The following MAST2 variants were observed in gnomAD, a reference collection of about 807,000 sequenced individuals.
MAST2 encodes microtubule-associated serine/threonine-protein kinase 2.
A neutral mutation model predicts 147.4 loss-of-function variants in MAST2; 70 were observed. That is an observed-to-expected ratio of 0.47 (90% confidence interval 0.39 to 0.58). The LOEUF is 0.58. Among genes scored for constraint, MAST2 ranks in the 20% least tolerant of loss-of-function variants. The probability of loss-of-function intolerance (pLI) is 0.00; values close to 1 mark genes in which losing one functional copy is unlikely to be tolerated. For synonymous variants in MAST2, 869 were observed against 896.8 expected (o/e 0.97, Z 0.55); for missense variants, 2,080 against 2,302.3 (o/e 0.90, Z 1.98).
At chr1:45,876,758 G>T (rs1156405935) in intron 3 of MAST2, among the ~76,000 whole-genome samples, 1 of 152,202 alleles carries the variant, frequency 6.6e-6, no homozygotes, top group Non-Finnish European at 1.5e-5. Flanking sequence ...CTGATCTGGA[G>T]TCCTGGGCAT....
At chr1:45,984,481 A>T (rs966280890) in intron 5 of MAST2, among the ~76,000 whole-genome samples, 2 of 151,598 alleles carry the variant, frequency 1.3e-5, no homozygotes, top group African/African-American at 4.9e-5. Context: ...AATTTTTTAA[A>T]TTTTTGTAGA....
intron 4 of MAST2, among the ~76,000 whole-genome samples, chr1:45,898,168 T>C (rs1649083340): frequency 1.3e-5 from 2 of 152,042 alleles, no homozygotes; most frequent in African/African-American, 4.8e-5. Context: ...ATAGTAGTTA[T>C]ACAAGTGCGC....
rs774133954 is a variant in MAST2, at chr1:46,035,297, A to AAGAGGATCCTTTCCCGTCCAG, written c.4632_4652dup (p.Glu1544_Arg1550dup). 4 of 1,613,872 alleles carry AAGAGGATCCTTTCCCGTCCAG rather than the reference A, an allele frequency of 2.5e-6. No homozygotes were observed. The East Asian group carries it at 8.9e-5, about 36-fold the overall frequency. On this transcript the variant is annotated inframe_insertion, in exon 29 of 29. Coordinates refer to ENST00000361297, the MANE Select transcript of MAST2 (RefSeq NM_015112.3). The surrounding 1 kb of genome is among the most constrained non-coding windows in gnomAD (Gnocchi z 5.5). Reference sequence around the variant, plus strand: ...CCTAAAGGAGCAGGAGAGAGTGGGGAAGAGGATCCTTTCCCGTCCAGAGAC... The same window carrying AAGAGGATCCTTTCCCGTCCAG: ...CCTAAAGGAGCAGGAGAGAGTGGGGAAGAGGATCCTTTCCCGTCCAGAGAGGATCCTTTCCCGTCCAGAGAC...
At chr1:45,932,399 T>C (rs904474009) in intron 4 of MAST2, among the ~76,000 whole-genome samples, 1 of 152,188 alleles carries the variant, frequency 6.6e-6, no homozygotes, top group Non-Finnish European at 1.5e-5. Flanking sequence ...AGTGGACTTT[T>C]GACTGGGCGC....
chr1:45,813,592 G>A (rs973349714), intron 1 of MAST2, among the ~76,000 whole-genome samples: 1 of 150,542 alleles, frequency 6.6e-6, no homozygotes, highest in Non-Finnish European at 1.5e-5. Context: ...TCTGCCTTCC[G>A]GATTCAAACA....
intron 5 of MAST2, among the ~76,000 whole-genome samples, chr1:45,960,131 T>G (rs1660207800): frequency 6.6e-6 from 1 of 152,150 alleles, no homozygotes; most frequent in African/African-American, 2.4e-5. Context: ...AATGACCTCA[T>G]GGATTCAGGC....
intron 4 of MAST2, among the ~76,000 whole-genome samples, chr1:45,945,497 A>T (rs976403427): frequency 3.3e-5 from 5 of 152,214 alleles, no homozygotes; most frequent in Admixed American, 2.6e-4. Context: ...GCTGCCTCGT[A>T]GAAACTAACT....
chr1:45,943,169 A>G (rs1279573728), intron 4 of MAST2, among the ~76,000 whole-genome samples: 4 of 152,244 alleles, frequency 2.6e-5, no homozygotes, highest in African/African-American at 7.2e-5. Context: ...CTTGTTTACT[A>G]CTGGATGTAA....
At chr1:45,850,291 G>A (rs937984963) in intron 3 of MAST2, among the ~76,000 whole-genome samples, 3 of 151,924 alleles carry the variant, frequency 2.0e-5, no homozygotes, top group African/African-American at 7.3e-5. Context: ...TTTGTGATGG[G>A]GTTGTTTTTT....
At chr1:45,949,887 C>G (rs1030646057) in intron 4 of MAST2, among the ~76,000 whole-genome samples, 3 of 152,122 alleles carry the variant, frequency 2.0e-5, no homozygotes, top group African/African-American at 7.2e-5. Context: ...GTTATGCAGC[C>G]ATAAAGAACA....
chr1:45,820,104 T>C (rs1644574918), intron 1 of MAST2, among the ~76,000 whole-genome samples: 1 of 152,218 alleles, frequency 6.6e-6, no homozygotes, highest in Non-Finnish European at 1.5e-5. Context: ...GGACAGTCTG[T>C]ACAATAAATG....
chr1:45,855,945 C>T (rs775820003), intron 3 of MAST2, among the ~76,000 whole-genome samples: 3 of 152,236 alleles, frequency 2.0e-5, no homozygotes, highest in Non-Finnish European at 4.4e-5. Flanking sequence ...TTTTACTCAC[C>T]TTATCATTAC....
rs1390755532 is a variant in MAST2 at position 46,023,240 on chromosome 1, G to A, written c.1493G>A (p.Gly498Glu). ...TTTTCCCTTGTCTTCCAGGGCCATGGGGCATCTCTGCCATCTAAAAAGACA... is the reference window on the plus strand; with the variant it reads ...TTTTCCCTTGTCTTCCAGGGCCATGAGGCATCTCTGCCATCTAAAAAGACA... ...PETDDSIEGH[G>E]ASLPSKKTPS... is the part of the protein sequence containing the mutation. The change falls in exon 14 of 29, where the codon GGG becomes GAG. Residue 498 changes from glycine to glutamate, a missense_variant. This residue lies in a region of MAST2 where 569 missense variants were observed against 642.5 expected (regional missense o/e 0.89). Transcript: ENST00000361297. This position sits in a 1 kb window ranked among gnomAD's most constrained non-coding sequence, Gnocchi z 4.9. 8 of 1,613,994 alleles carry A rather than the reference G, an allele frequency of 5.0e-6. No homozygotes were observed. Among genetic ancestry groups the A allele is most frequent in the Non-Finnish European group, 5.9e-6 (7 of 1,179,854 alleles).
chr1:45,867,774 A>G lies in MAST2; in HGVS notation c.469-14590A>G, dbSNP rs1260263160. ...GTAGGTGTATGGCCAGGCTAGATGT[A>G]TAGGTTAGGGTACTCTGAACTACAA... On this transcript the variant is annotated intron_variant, in intron 3 of 28. Coordinates refer to ENST00000361297, the MANE Select transcript of MAST2 (RefSeq NM_015112.3). Among the ~76,000 whole-genome samples the G allele has an allele frequency of 2.0e-5, 3 of 152,314 alleles. No homozygotes were observed. In the East Asian group the frequency reaches 5.8e-4, roughly 29 times the overall value.
intron 4 of MAST2, among the ~76,000 whole-genome samples, chr1:45,928,871 G>A (rs1438416127): frequency 5.9e-5 from 9 of 151,566 alleles, no homozygotes; most frequent in African/African-American, 2.2e-4. Context: ...TGCAGAAACC[G>A]AGTTGTTTGT....
intron 1 of MAST2, among the ~76,000 whole-genome samples, chr1:45,819,526 AAC>A (rs905831414): frequency 6.6e-6 from 1 of 152,224 alleles, no homozygotes; most frequent in African/African-American, 2.4e-5. Context: ...ATCCAAAGTC[AAC>A]ACACAGAGAT....
chr1:46,019,915 C>T (rs1468797442), intron 11 of MAST2, among the ~76,000 whole-genome samples: 1 of 152,188 alleles, frequency 6.6e-6, no homozygotes, highest in Admixed American at 6.5e-5. Context: ...TTAGTCTAGG[C>T]CACCCCCACA....
At chr1:45,926,521 A>G (rs932442087) in intron 4 of MAST2, among the ~76,000 whole-genome samples, 2 of 152,162 alleles carry the variant, frequency 1.3e-5, no homozygotes, top group Admixed American at 1.3e-4. Flanking sequence ...ATTCTCACTA[A>G]TTGTTTCTGC....
chr1:45,829,225 C>T (rs1367232015), intron 2 of MAST2, among the ~76,000 whole-genome samples: 3 of 152,046 alleles, frequency 2.0e-5, no homozygotes, highest in African/African-American at 7.2e-5. Context: ...AATAGTTAAT[C>T]CATTTCAGTG....
Sources: gnomAD v4.1 joint callset for allele counts (sites outside exome capture counted in the v4.1 genomes callset) on GRCh38, gnomAD v4.1.1 for gene constraint, gnomAD v4.1.1 regional missense constraint, Gnocchi (gnomAD v3.1) non-coding constraint, MANE v1.5 for transcripts, NCBI Gene and HGNC (gene_info 2026-07-23, HGNC 2026-07-21) for gene names.